The following ZNF174 variants were observed in gnomAD, a reference collection of about 807,000 sequenced individuals.
ZNF174 encodes zinc finger protein 174, also known as AW-1.
In ZNF174, 30 loss-of-function variants were observed where a neutral mutation model predicts 38.7. That is an observed-to-expected ratio of 0.78 (90% CI 0.58 to 1.05). The LOEUF (loss-of-function observed/expected upper bound fraction) is 1.05. Ranked by LOEUF, ZNF174 falls within the 50% of genes least tolerant of loss-of-function variation. ZNF174 has a pLI of 0.00. For synonymous variants in ZNF174, 201 were observed against 181.7 expected, an observed-to-expected ratio of 1.11 and a Z score of -0.86; for missense variants, 499 against 495.6, an observed-to-expected ratio of 1.01 and a Z score of -0.06.
At chr16:3,405,342 A>G (rs979114071) in intron 2 of ZNF174, among the ~76,000 whole-genome samples, 8 of 152,212 alleles carry the variant, frequency 5.3e-5, no homozygotes, top group Non-Finnish European at 1.2e-4. Flanking sequence ...GCTAGAGACT[A>G]GGTAGTTTAT....
At position 3,408,619 on chromosome 16, in the gene ZNF174, C is replaced by A; in HGVS notation, c.924C>A (p.Ser308Arg). The A allele has an allele frequency of 6.2e-7, 1 of 1,614,168 alleles. No homozygotes were observed. The highest frequency in any genetic ancestry group is 8.5e-7 in the Non-Finnish European group (1 of 1,180,022). The part of the protein sequence containing the change: ...KKSKGGKRSL[S>R]NRLQHLGHQP... ...GCAAAGGAGGTAAACGGAGTCTGAG[C>A]AACCGTTTGCAACATCTTGGTCACC... The change falls in exon 3 of 3, where the codon AGC (serine) becomes AGA (arginine). Residue 308 changes from serine to arginine, a missense_variant. Transcript: ENST00000268655.
intron 2 of ZNF174, 171 bp downstream of exon 2, chr16:3,404,819 C>A (rs1014273893): frequency 6.4e-7 from 1 of 1,565,500 alleles, no homozygotes; most frequent in African/African-American, 1.4e-5. Flanking sequence ...GGTGATACTA[C>A]AAGTAAGTAT....
At chr16:3,402,457 T>TC (rs767754423) in intron 1 of ZNF174, 51 bp downstream of exon 1, 215 of 1,531,270 alleles carry the variant, frequency 1.4e-4, no homozygotes, top group South Asian at 1.7e-4. Context: ...TCTTTTCTTT[T>TC]TTTTTTTTTT....
intron 1 of ZNF174, among the ~76,000 whole-genome samples, chr16:3,403,963 C>G (rs907061939): frequency 2.6e-5 from 4 of 152,174 alleles, no homozygotes; most frequent in Non-Finnish European, 5.9e-5. Context: ...TCTTAGACCC[C>G]TACTACTACT....
At chr16:3,406,452 G>C (rs1269866101) in intron 2 of ZNF174, among the ~76,000 whole-genome samples, 1 of 152,130 alleles carries the variant, frequency 6.6e-6, no homozygotes, top group Non-Finnish European at 1.5e-5. Context: ...ATTCTTGCTA[G>C]CACTTGTTAT....
chr16:3,405,707 T>C (rs528239302), intron 2 of ZNF174, among the ~76,000 whole-genome samples: 1 of 152,346 alleles, frequency 6.6e-6, no homozygotes, highest in South Asian at 2.1e-4. Context: ...GAACATTTTA[T>C]ACAAATGGAA....
At chr16:3,406,939 CCATA>C (rs1454109034) in intron 2 of ZNF174, among the ~76,000 whole-genome samples, 4 of 152,154 alleles carry the variant, frequency 2.6e-5, no homozygotes, top group African/African-American at 9.7e-5. Context: ...TATTTTTTCC[CCATA>C]CATAAACAAG....
rs758945844 is a variant in ZNF174, at chr16:3,402,314, G to A, written c.310G>A (p.Ala104Thr). 2 of 1,614,118 alleles carry A rather than the reference G, an allele frequency of 1.2e-6. No individual in the cohort carries two copies. Among genetic ancestry groups the A allele is most frequent in the Non-Finnish European group, 1.7e-6 (2 of 1,180,030 alleles). Residue 104 changes from alanine to threonine, a missense_variant, in exon 1 of 3, where the codon GCT becomes ACT. Transcript: ENST00000268655. ...GACCATCCTGCCCCCGGAGATCCAGGCTCGGGTCAGGCATCGATGTCCAAT... is the reference window on the plus strand; with the variant it reads ...GACCATCCTGCCCCCGGAGATCCAGACTCGGGTCAGGCATCGATGTCCAAT... ...FLTILPPEIQ[A>T]RVRHRCPMSS...
intron 2 of ZNF174, chr16:3,404,914 C>T: frequency 6.2e-7 from 1 of 1,613,914 alleles, no homozygotes; most frequent in East Asian, 2.2e-5. Context: ...TTCAGAACTT[C>T]TTATAGAAAA....
At chr16:3,402,471 T>A in intron 1 of ZNF174, 65 bp downstream of exon 1, 1 of 1,190,328 alleles carries the variant, frequency 8.4e-7, no homozygotes. Context: ...TTTTTTTTCT[T>A]TTTTTGAGAC....
Position 3,404,475 on chromosome 16 carries a change from C to A in ZNF174, c.452C>A (p.Ser151Tyr). The change falls in exon 2 of 3, where the codon TCT becomes TAT. Residue 151 changes from serine (S) to tyrosine (Y), a missense_variant. Transcript: ENST00000268655. ...GQKVLLEKTG[S>Y]QLGEQELPDF... is the part of the protein sequence containing the mutation. ...AAGGTGCTCTTGGAGAAAACTGGAT[C>A]TCAGCTTGGAGAACAGGAACTGCCA... 1 of 1,611,524 alleles carries A rather than the reference C, an allele frequency of 6.2e-7. No individual in the cohort carries two copies. Among genetic ancestry groups the A allele is most frequent in the Non-Finnish European group, 8.5e-7 (1 of 1,177,940 alleles).
In ZNF174 at chr16:3,405,595, C is replaced by G. The variant is rs185010019; in HGVS notation, c.625+947C>G. Among the ~76,000 whole-genome samples the G allele has an allele frequency of 2.4e-3, 366 of 152,374 alleles. 1 individual carries two copies. The highest frequency in any genetic ancestry group is 4.6e-3 in the Non-Finnish European group (312 of 68,036). ...CTCCCAAAGGCCCCATGTCCTAACA[C>G]TATTACCTTGGGAGTTAGAATTTCA... On this transcript the variant is annotated intron_variant, in intron 2 of 2. Transcript: ENST00000268655.
chr16:3,406,008 A>G (rs1451016432), intron 2 of ZNF174, among the ~76,000 whole-genome samples: 6 of 152,228 alleles, frequency 3.9e-5, no homozygotes, highest in Non-Finnish European at 8.8e-5. Context: ...ACCCTGTCTC[A>G]AAAATAAATA....
chr16:3,404,327 T>C (rs1200582631), intron 1 of ZNF174, 99 bp from the exon 2 acceptor site: 5 of 1,244,948 alleles, frequency 4.0e-6, no homozygotes, highest in African/African-American at 1.5e-5. Context: ...TAGATGGTTA[T>C]CAGCAATTCC....
chr16:3,407,289 C>T (rs1186263939), intron 2 of ZNF174, among the ~76,000 whole-genome samples: 1 of 152,160 alleles, frequency 6.6e-6, no homozygotes, highest in Non-Finnish European at 1.5e-5. Context: ...AAGACCACTG[C>T]ACTGGGGACT....
rs570027591 is a variant in ZNF174 at position 3,409,063 on chromosome 16, G to A, written c.*144G>A. ...ATGATGATGCACATTCTGCTGTGAG[G>A]AGGCCCAGAAAAGGCCAACCAGGGC... On this transcript the variant is annotated 3_prime_UTR_variant, in exon 3 of 3. Transcript: ENST00000268655. The A allele has an allele frequency of 1.6e-5, 16 of 1,005,066 alleles. No homozygotes were observed. The African/African-American group carries it at 1.9e-4, about 12-fold the overall frequency. 62.3% of individuals were successfully genotyped at this position (1,005,066 alleles called of 1,614,324 possible). A position where few individuals can be genotyped will look rare whatever the true frequency, so the allele number is the denominator to read the frequency against.
At chr16:3,403,627 G>A (rs934519286) in intron 1 of ZNF174, among the ~76,000 whole-genome samples, 2 of 152,014 alleles carry the variant, frequency 1.3e-5, no homozygotes, top group Admixed American at 6.6e-5. Context: ...TGGGACTGCA[G>A]GTACATGCCA....
At chr16:3,408,272 G>T in intron 2 of ZNF174, 49 bp from the exon 3 acceptor site, 1 of 1,511,202 alleles carries the variant, frequency 6.6e-7, no homozygotes, top group Non-Finnish European at 8.9e-7. Context: ...TCTTGCTGAA[G>T]TTATTTCTTC....
chr16:3,404,712 T>C, intron 2 of ZNF174, 64 bp downstream of exon 2: 1 of 1,598,982 alleles, frequency 6.3e-7, no homozygotes, highest in Non-Finnish European at 8.6e-7. Flanking sequence ...TATCTCATGG[T>C]TCTGCAAAGG....
Sources: allele counts gnomAD v4.1 joint callset (sites outside exome capture counted in the v4.1 genomes callset), GRCh38; gene constraint gnomAD v4.1.1; transcripts MANE v1.5; gene names NCBI Gene and HGNC (gene_info 2026-07-23, HGNC 2026-07-21).